The following MSI2 variants were observed in gnomAD, a reference collection of about 807,000 sequenced individuals.
MSI2 encodes the protein musashi RNA binding protein 2.
A neutral mutation model predicts 45.6 loss-of-function variants in MSI2; 17 were observed. The observed-to-expected ratio is 0.37, with a 90% CI of 0.26 to 0.56. MSI2 has a LOEUF of 0.56. Among genes scored for constraint, MSI2 ranks in the 20% least tolerant of loss-of-function variants. MSI2 has a pLI of 0.77. For synonymous variants in MSI2, 156 were observed against 158.2 expected (o/e 0.99, Z 0.11); for missense variants, 293 against 444.2 (o/e 0.66, Z 3.06).
intron 10 of MSI2, among the ~76,000 whole-genome samples, chr17:57,647,941 C>T (rs1910811012): frequency 6.6e-6 from 1 of 150,912 alleles, no homozygotes. Flanking sequence ...TGCACCTGGC[C>T]AAAGAGTGTT....
intron 6 of MSI2, among the ~76,000 whole-genome samples, chr17:57,431,997 A>G (rs978585509): frequency 9.9e-5 from 15 of 152,182 alleles, no homozygotes; most frequent in Admixed American, 3.3e-4. Flanking sequence ...TTGCAGCACA[A>G]ATGTGTTCCC....
At chr17:57,631,129 C>G (rs3853826) in intron 10 of MSI2, 42,418 of 152,346 alleles carry the variant, frequency 0.28, 6,391 homozygotes, top group African/African-American at 0.39. Context: ...TCCGGTCCCC[C>G]TCATGCTGTG....
rs2087240635 is a variant in MSI2, at chr17:57,548,983, G to A, written c.454+19259G>A. Among the ~76,000 whole-genome samples the A allele has an allele frequency of 2.2e-5, 3 of 136,992 alleles. No individual in the cohort carries two copies. The South Asian group carries it at 6.9e-4, about 32-fold the overall frequency. The allele number at this position is 136,992 out of a possible 152,430, so 89.9% of individuals were successfully genotyped here. ...ACAGTGGTTATTCTCACAAGCCCTG[G>A]ACATTGTCTGCACACATAGACACCA... is the stretch of plus-strand genomic sequence containing the variant. On this transcript the variant is annotated intron_variant, in intron 7 of 13. Transcript: ENST00000284073.
chr17:57,338,425 C>T (rs185335954), intron 5 of MSI2, among the ~76,000 whole-genome samples: 11 of 152,352 alleles, frequency 7.2e-5, no homozygotes, highest in East Asian at 5.8e-4. Context: ...CTTGCTCTGT[C>T]GCCCAAGGCT....
At chr17:57,323,810 G>T (rs577390884) in intron 5 of MSI2, among the ~76,000 whole-genome samples, 1 of 152,350 alleles carries the variant, frequency 6.6e-6, no homozygotes, top group East Asian at 1.9e-4. Context: ...CCACTGATTT[G>T]AACGGACATC....
chr17:57,331,603 A>G (rs1050972008), intron 5 of MSI2, among the ~76,000 whole-genome samples: 3 of 152,208 alleles, frequency 2.0e-5, no homozygotes, highest in African/African-American at 7.2e-5. Flanking sequence ...TCTATGCAGT[A>G]TAGACGTGCA....
intron 6 of MSI2, among the ~76,000 whole-genome samples, chr17:57,429,966 A>T (rs1284143116): frequency 6.6e-6 from 1 of 152,174 alleles, no homozygotes; most frequent in African/African-American, 2.4e-5. Context: ...TAAAATGGTG[A>T]TTCAGTAGAA....
At chr17:57,667,222 A>G (rs910341137) in intron 11 of MSI2, among the ~76,000 whole-genome samples, 7 of 152,142 alleles carry the variant, frequency 4.6e-5, no homozygotes, top group Non-Finnish European at 7.3e-5. Context: ...ATTCCTTGCA[A>G]ATTCTAACCT....
rs192556407 is a variant in MSI2 at position 57,523,426 on chromosome 17, A to G, written c.406-6250A>G. The G allele has an allele frequency of 3.3e-5, 5 of 152,390 alleles. No homozygotes were observed. The East Asian group carries it at 9.6e-4, about 29-fold the overall frequency. The allele number at this position is 152,390 out of a possible 1,614,324, so 9.4% of individuals were successfully genotyped here. A position where few individuals can be genotyped will look rare whatever the true frequency, so the allele number is the denominator to read the frequency against. ...TCAAGTCTAACCCCTGGATGTGGTC[A>G]GTACCATCTGGCTACTTCTAAAATC... On this transcript the variant is annotated intron_variant, in intron 6 of 13. Coordinates refer to ENST00000284073, the MANE Select transcript of MSI2 (RefSeq NM_138962.4).
At chr17:57,475,198 C>T (rs750736332) in intron 6 of MSI2, among the ~76,000 whole-genome samples, 1 of 152,156 alleles carries the variant, frequency 6.6e-6, no homozygotes, top group Non-Finnish European at 1.5e-5. Flanking sequence ...TATTGCTGTG[C>T]CCAGGAGCTG....
chr17:57,308,506 T>G (rs1264983800), intron 5 of MSI2, among the ~76,000 whole-genome samples: 1 of 152,224 alleles, frequency 6.6e-6, no homozygotes, highest in East Asian at 1.9e-4. Flanking sequence ...GTAAGCAGAA[T>G]GTTTTATTGT....
Position 57,256,753 on chromosome 17 carries a change from A to T in MSI2, c.11A>T (p.Asn4Ile). 1 of 1,466,010 alleles carries T rather than the reference A, an allele frequency of 6.8e-7. No individual in the cohort carries two copies. Among genetic ancestry groups the T allele is most frequent in the Non-Finnish European group, 9.0e-7 (1 of 1,108,486 alleles). 90.8% of individuals were successfully genotyped at this position (1,466,010 alleles called of 1,614,324 possible). The change falls in exon 1 of 14, where the codon AAT becomes ATT. Residue 4 changes from asparagine (N) to isoleucine (I), a missense_variant. Coordinates refer to ENST00000284073, the MANE Select transcript of MSI2 (RefSeq NM_138962.4). Reference protein sequence around the residue: MEANGSQGTSGSAN... With the variant: MEAIGSQGTSGSAN... ...CGGGGGGGCTCAGATATGGAGGCAA[A>T]TGGGAGCCAAGGCACCTCGGGCAGC...
At chr17:57,591,379 A>C (rs1247459521) in intron 7 of MSI2, among the ~76,000 whole-genome samples, 1 of 152,268 alleles carries the variant, frequency 6.6e-6, no homozygotes, top group Non-Finnish European at 1.5e-5. Context: ...ACAACAGTAC[A>C]GGACATAGAG....
chr17:57,581,829 G>A (rs1567914822), intron 7 of MSI2, among the ~76,000 whole-genome samples: 4 of 152,180 alleles, frequency 2.6e-5, no homozygotes, highest in South Asian at 2.1e-4. Flanking sequence ...TTCGTAAGTC[G>A]TCGCTTAACA....
intron 5 of MSI2, among the ~76,000 whole-genome samples, chr17:57,331,934 C>T (rs1914308242): frequency 6.6e-6 from 1 of 152,144 alleles, no homozygotes; most frequent in Admixed American, 6.5e-5. Flanking sequence ...TAAAATCGTA[C>T]TCAAAAATAT....
rs1395915919 is a variant in MSI2 at position 57,552,824 on chromosome 17, A to G, written c.454+23100A>G. ...CATTATAAGACACCTCAGTATTTTT[A>G]GGAAATAAGTGGGGACATAAATATA... On this transcript the variant is annotated intron_variant, in intron 7 of 13. Transcript: ENST00000284073. The surrounding 1 kb of genome is among the most constrained non-coding windows in gnomAD (Gnocchi z 4.3). Among the ~76,000 whole-genome samples, 2 of 152,170 alleles carry G rather than the reference A, an allele frequency of 1.3e-5. No homozygotes were observed. Among genetic ancestry groups the G allele is most frequent in the Non-Finnish European group, 2.9e-5 (2 of 68,032 alleles).
intron 6 of MSI2, among the ~76,000 whole-genome samples, chr17:57,470,371 G>A (rs934602217): frequency 1.3e-5 from 2 of 152,142 alleles, no homozygotes; most frequent in South Asian, 4.1e-4. Flanking sequence ...TCCACCTCCT[G>A]GGTTCAAGTG....
Position 57,450,775 on chromosome 17 carries a change from T to C in MSI2, c.405+49304T>C, listed in dbSNP as rs538294552. Among the ~76,000 whole-genome samples the C allele has an allele frequency of 1.8e-3, 277 of 151,972 alleles. 1 individual carries two copies. The highest frequency in any genetic ancestry group is 6.5e-3 in the African/African-American group (271 of 41,452). ...CTGCTGGCCACCACCCTTGATCTTATTTTCATATGTATAACAGAGCTTTTT... is the reference window on the plus strand; with the variant it reads ...CTGCTGGCCACCACCCTTGATCTTACTTTCATATGTATAACAGAGCTTTTT... On this transcript the variant is annotated intron_variant, in intron 6 of 13. Transcript: ENST00000284073.
chr17:57,677,223 C>T (rs1051103869), intron 13 of MSI2, among the ~76,000 whole-genome samples, 164 bp downstream of exon 13: 3 of 152,198 alleles, frequency 2.0e-5, no homozygotes, highest in Non-Finnish European at 2.9e-5. Context: ...CAAATCCAGT[C>T]GTTTAATCTC....
Sources: allele counts gnomAD v4.1 joint callset (sites outside exome capture counted in the v4.1 genomes callset), GRCh38; gene constraint gnomAD v4.1.1; non-coding constraint Gnocchi (gnomAD v3.1); transcripts MANE v1.5; gene names NCBI Gene and HGNC (gene_info 2026-07-23, HGNC 2026-07-21).